Variants in NEU3 observed in about 807,000 individuals in gnomAD.
NEU3 encodes neuraminidase 3.
A neutral mutation model predicts 11.4 loss-of-function variants in NEU3; 10 were observed. That is an observed-to-expected ratio of 0.88 (90% confidence interval 0.54 to 1.49). The LOEUF is 1.49. Among genes scored for constraint, NEU3 ranks in the 40% most tolerant of loss-of-function variants. The probability of loss-of-function intolerance (pLI) is 0.00; values close to 1 mark genes in which losing one functional copy is unlikely to be tolerated. For missense variants in NEU3, 529 were observed against 581.8 expected, an observed-to-expected ratio of 0.91 and a Z score of 0.93; for synonymous variants, 212 against 228.2, an observed-to-expected ratio of 0.93 and a Z score of 0.64.
At position 74,993,141 on chromosome 11, in the gene NEU3, A is replaced by G. The variant is rs1278143715; in HGVS notation, c.95-1368A>G. Among the ~76,000 whole-genome samples the G allele has an allele frequency of 5.3e-5, 8 of 152,128 alleles. No homozygotes were observed. The East Asian group carries it at 7.7e-4, about 15-fold the overall frequency. ...ACTTTAATAGGCCTGTTGTTATACCAAATGAAGCTATAGGTCCGCATGGGT... is the reference window on the plus strand; with the variant it reads ...ACTTTAATAGGCCTGTTGTTATACCGAATGAAGCTATAGGTCCGCATGGGT... On this transcript the variant is annotated intron_variant, in intron 1 of 2. Transcript: ENST00000294064.
At chr11:74,994,226 A>G (rs1948761790) in intron 1 of NEU3, among the ~76,000 whole-genome samples, 1 of 152,208 alleles carries the variant, frequency 6.6e-6, no homozygotes, top group Admixed American at 6.5e-5. Flanking sequence ...GATGCTTGGC[A>G]AAAACAAATG....
Position 74,988,990 on chromosome 11 carries a change from T to C in NEU3, c.-71T>C. On this transcript the variant is annotated 5_prime_UTR_variant, in exon 1 of 3. Coordinates refer to ENST00000294064, the MANE Select transcript of NEU3 (RefSeq NM_006656.6). ...CTCCGTGTCCTCCGTCTCAGTTGTT[T>C]CTCCCTCTCTATCCTCCTCTGTCTC... 8.4e-7 allele frequency: 1 copy of C among 1,184,750 alleles called. No individual in the cohort carries two copies. Among genetic ancestry groups the C allele is most frequent in the Non-Finnish European group, 1.2e-6 (1 of 828,416 alleles). 73.4% of individuals were successfully genotyped at this position (1,184,750 alleles called of 1,614,324 possible).
At chr11:74,984,294 G>GC (rs1423965036), upstream of NEU3, among the ~76,000 whole-genome samples, 1 of 152,126 alleles carries the variant, frequency 6.6e-6, no homozygotes, top group Non-Finnish European at 1.5e-5. Context: ...AGCAAAGGGC[G>GC]CACATGCTCA....
intron 1 of NEU3, 40 bp downstream of exon 1, chr11:74,989,194 A>T: frequency 6.7e-7 from 1 of 1,488,652 alleles, no homozygotes; most frequent in Non-Finnish European, 9.2e-7. Context: ...CCCGAGGAGG[A>T]CTCAACTGTG....
chr11:75,002,088 A>G (rs1948850411), intron 2 of NEU3, among the ~76,000 whole-genome samples: 1 of 152,136 alleles, frequency 6.6e-6, no homozygotes, highest in African/African-American at 2.4e-5. Flanking sequence ...CAGGGTCTTG[A>G]TCTGTCACCT....
At chr11:75,019,213 G>A (rs1389457831), downstream of NEU3, among the ~76,000 whole-genome samples, 1 of 152,228 alleles carries the variant, frequency 6.6e-6, no homozygotes, top group Non-Finnish European at 1.5e-5. Flanking sequence ...CCCATTTTCT[G>A]AGGAGAAATT....
chr11:74,994,479 C>G lies in NEU3; in HGVS notation c.95-30C>G, dbSNP rs143314555. ...ATGCAGGCCAGCATCTGGGTATGGA[C>G]ACACATTAAGCTTCCTTCTATCCTT... On this transcript the variant is annotated intron_variant, in intron 1 of 2. Coordinates refer to ENST00000294064, the MANE Select transcript of NEU3 (RefSeq NM_006656.6). The G allele has an allele frequency of 3.5e-4, 549 of 1,548,844 alleles. 8 individuals are homozygous for G. The African/African-American group carries it at 6.8e-3, about 19-fold the overall frequency.
At chr11:74,982,239 C>T in the NEU3 span, among the ~76,000 whole-genome samples, 1 of 152,148 alleles carries the variant, frequency 6.6e-6, no homozygotes, top group Admixed American at 6.5e-5. Flanking sequence ...TTATGGCCTA[C>T]ACCCCCAAAA....
At chr11:74,999,784 C>T (rs1948825257) in intron 2 of NEU3, among the ~76,000 whole-genome samples, 1 of 152,268 alleles carries the variant, frequency 6.6e-6, no homozygotes, top group East Asian at 1.9e-4. Flanking sequence ...TTTGTTCTGC[C>T]TTCTGGGGCA....
intron 2 of NEU3, among the ~76,000 whole-genome samples, chr11:74,997,690 C>A (rs868555912): frequency 7.6e-4 from 74 of 97,666 alleles, no homozygotes; most frequent in South Asian, 1.4e-3. Context: ...CTAAAAATAC[C>A]AAAAAAAAAA....
chr11:74,997,445 G>C (rs1448116760), intron 2 of NEU3, among the ~76,000 whole-genome samples: 1 of 152,134 alleles, frequency 6.6e-6, no homozygotes, highest in Non-Finnish European at 1.5e-5. Context: ...GCTATGGCTG[G>C]TCTGATCTTT....
At chr11:74,987,504 G>A (rs188803746), upstream of NEU3, among the ~76,000 whole-genome samples, 600 of 152,096 alleles carry the variant, frequency 3.9e-3, 4 homozygotes, top group Non-Finnish European at 4.6e-3. Context: ...TTCCTTTGGG[G>A]ACAAAATAGT....
chr11:75,011,558 G>T (rs987364142), downstream of NEU3, among the ~76,000 whole-genome samples: 1 of 152,200 alleles, frequency 6.6e-6, no homozygotes, highest in Non-Finnish European at 1.5e-5. Context: ...GAGAATGCCT[G>T]TGTCAGTAGA....
At chr11:74,999,151 C>G (rs889138075) in intron 2 of NEU3, among the ~76,000 whole-genome samples, 7 of 152,022 alleles carry the variant, frequency 4.6e-5, no homozygotes, top group African/African-American at 1.7e-4. Flanking sequence ...GTCTGTCTGT[C>G]TAGAGACGAG....
rs1325427886 is a variant in NEU3, at chr11:75,009,857, C to T, written c.*3365C>T. ...TAATTTGACTTGTTTCCCCTGGTCA[C>T]CAGTCTCCCCTCCGATATTCACAGG... is the stretch of plus-strand genomic sequence containing the variant. On this transcript the variant is annotated 3_prime_UTR_variant, in exon 3 of 3. Transcript: ENST00000294064. The T allele has an allele frequency of 2.6e-5, 4 of 152,288 alleles. No homozygotes were observed. The highest frequency in any genetic ancestry group is 2.6e-4 in the Admixed American group (4 of 15,282). The allele number at this position is 152,288 out of a possible 1,614,324, so 9.4% of individuals were successfully genotyped here.
chr11:74,990,003 A>C, intron 1 of NEU3: 1 of 702,568 alleles, frequency 1.4e-6, no homozygotes, highest in Non-Finnish European at 2.6e-6. Flanking sequence ...CAATGCCAGA[A>C]TCACCATCTA....
chr11:75,011,429 G>C (rs1475736867), downstream of NEU3, among the ~76,000 whole-genome samples: 1 of 152,222 alleles, frequency 6.6e-6, no homozygotes, highest in African/African-American at 2.4e-5. Context: ...TCTGTCAGTA[G>C]GTCAGTCTGC....
At chr11:74,989,538 C>T (rs1948708809) in intron 1 of NEU3, among the ~76,000 whole-genome samples, 1 of 152,064 alleles carries the variant, frequency 6.6e-6, no homozygotes, top group Non-Finnish European at 1.5e-5. Context: ...CCGAGTTTTC[C>T]CATCTATACC....
At chr11:75,015,188 T>C (rs1186085494), downstream of NEU3, among the ~76,000 whole-genome samples, 4 of 152,148 alleles carry the variant, frequency 2.6e-5, no homozygotes. Context: ...ATGGGATTGG[T>C]GACCTTATAA....
Sources: gnomAD v4.1 joint callset for allele counts (sites outside exome capture counted in the v4.1 genomes callset) on GRCh38, gnomAD v4.1.1 for gene constraint, MANE v1.5 for transcripts, NCBI Gene and HGNC (gene_info 2026-07-23, HGNC 2026-07-21) for gene names.